NLGN1: variants seen among roughly 807,000 people sequenced by gnomAD.
The protein encoded by NLGN1 is neuroligin 1, also known as neuroligin-1.
NLGN1 carries 12 observed loss-of-function variants against 65.5 expected under a neutral mutation model. The observed-to-expected ratio is 0.18, with a 90% CI of 0.12 to 0.30. The LOEUF is 0.30. NLGN1 is among the 10% of genes least tolerant of loss of function. The pLI is 1.00. For missense variants in NLGN1, 750 were observed against 1,007.1 expected (o/e 0.74, Z 3.46); for synonymous variants, 350 against 359.5 (o/e 0.97, Z 0.30).
At chr3:174,045,074 C>G (rs949922477) in intron 4 of NLGN1, among the ~76,000 whole-genome samples, 4 of 152,178 alleles carry the variant, frequency 2.6e-5, no homozygotes, top group African/African-American at 9.6e-5. Flanking sequence ...ACCATCCAAA[C>G]TGTTCCAACC....
At chr3:173,580,317 C>T (rs1746193956) in intron 2 of NLGN1, among the ~76,000 whole-genome samples, 1 of 152,018 alleles carries the variant, frequency 6.6e-6, no homozygotes, top group African/African-American at 2.4e-5. Context: ...TTTATCAGAG[C>T]TGAAATTTTA....
At chr3:173,810,851 T>C (rs1578556254) in intron 4 of NLGN1, among the ~76,000 whole-genome samples, 3 of 152,160 alleles carry the variant, frequency 2.0e-5, no homozygotes, top group Admixed American at 2.0e-4. Flanking sequence ...CACCCTTTAG[T>C]GGTTTCCTTT....
intron 4 of NLGN1, among the ~76,000 whole-genome samples, chr3:173,873,047 A>G (rs1034582530): frequency 6.6e-6 from 1 of 152,006 alleles, no homozygotes; most frequent in South Asian, 2.1e-4. Flanking sequence ...ACGTGAAGGA[A>G]CTCAGTAACT....
At chr3:173,800,257 T>C in intron 3 of NLGN1, 1 of 817,700 alleles carries the variant, frequency 1.2e-6, no homozygotes, top group Non-Finnish European at 1.6e-6. Flanking sequence ...AATTGTCTTT[T>C]TTTTTTTTCC....
chr3:173,939,359 A>G (rs1170333363), intron 4 of NLGN1, among the ~76,000 whole-genome samples: 1 of 152,166 alleles, frequency 6.6e-6, no homozygotes, highest in East Asian at 1.9e-4. Flanking sequence ...AGCTCTTTAC[A>G]TGAAGTTCCA....
In NLGN1 at chr3:174,003,255, A is replaced by C. The variant is rs958239380; in HGVS notation, c.646+195423A>C. ...CTATTGCAAAGGTTATTTTCTTTTT[A>C]TGAAAATAACTTATTTCACTTTACC... On this transcript the variant is annotated intron_variant, in intron 4 of 6. Coordinates refer to ENST00000457714, the Ensembl canonical transcript of NLGN1. Among the ~76,000 whole-genome samples the C allele has an allele frequency of 7.9e-5, 12 of 152,312 alleles. No individual in the cohort carries two copies. The South Asian group carries it at 2.5e-3, about 32-fold the overall frequency.
intron 4 of NLGN1, among the ~76,000 whole-genome samples, chr3:174,019,274 TG>T (rs1318440615): frequency 6.6e-6 from 1 of 152,164 alleles, no homozygotes; most frequent in Admixed American, 6.6e-5. Context: ...TATTTGGAGA[TG>T]GGGCCTTTAA....
intron 4 of NLGN1, among the ~76,000 whole-genome samples, chr3:174,226,069 A>G (rs1362422364): frequency 6.6e-6 from 1 of 152,148 alleles, no homozygotes; most frequent in Admixed American, 6.5e-5. Context: ...ATTGAAGCTC[A>G]CTAATGGCCA....
intron 4 of NLGN1, among the ~76,000 whole-genome samples, chr3:174,118,163 A>G (rs1433049919): frequency 6.6e-6 from 1 of 152,060 alleles, no homozygotes; most frequent in Non-Finnish European, 1.5e-5. Context: ...CTGCTCAGGG[A>G]TTTTTTAAGT....
At chr3:173,852,355 C>CAAAAAAAAAA (rs71162367) in intron 4 of NLGN1, among the ~76,000 whole-genome samples, 2 of 46,660 alleles carry the variant, frequency 4.3e-5, no homozygotes, top group African/African-American at 8.2e-5. Flanking sequence ...GACTCCGTCT[C>CAAAAAAAAAA]AAAAAAAAAA....
chr3:174,197,901 C>A (rs1194454636), intron 4 of NLGN1, among the ~76,000 whole-genome samples: 1 of 151,832 alleles, frequency 6.6e-6, no homozygotes, highest in Admixed American at 6.6e-5. Flanking sequence ...TGAAAAGTCA[C>A]TTACAATCCC....
At chr3:173,902,013 T>G (rs185816286) in intron 4 of NLGN1, among the ~76,000 whole-genome samples, 24 of 152,160 alleles carry the variant, frequency 1.6e-4, no homozygotes, top group African/African-American at 4.8e-4. Context: ...GATTTTATTA[T>G]TAGTACTTTG....
At chr3:173,685,021 C>T (rs199933659) in intron 3 of NLGN1, among the ~76,000 whole-genome samples, 1 of 102,360 alleles carries the variant, frequency 9.8e-6, no homozygotes, top group East Asian at 2.4e-4. Context: ...CAGTTGAATC[C>T]TCTATGCCCG....
chr3:174,246,370 A>C (rs1743790510), intron 4 of NLGN1, among the ~76,000 whole-genome samples: 1 of 152,192 alleles, frequency 6.6e-6, no homozygotes, highest in Non-Finnish European at 1.5e-5. Context: ...TTTGAGAAGA[A>C]TAGACAAGGC....
chr3:173,405,636 A>C (rs1361407340), intron 1 of NLGN1, among the ~76,000 whole-genome samples: 1 of 152,060 alleles, frequency 6.6e-6, no homozygotes, highest in Non-Finnish European at 1.5e-5. Flanking sequence ...ATATAATCCT[A>C]TCTCTTTTTT....
At chr3:174,102,767 A>G (rs1712831299) in intron 4 of NLGN1, among the ~76,000 whole-genome samples, 1 of 152,130 alleles carries the variant, frequency 6.6e-6, no homozygotes, top group Admixed American at 6.6e-5. Context: ...AGTTAATATC[A>G]TGATTGAATG....
At chr3:174,287,617 T>C (rs1329221546), downstream of NLGN1, among the ~76,000 whole-genome samples, 1 of 151,574 alleles carries the variant, frequency 6.6e-6, no homozygotes. Context: ...TATTTTCTAA[T>C]GGAATGCTAT....
intron 4 of NLGN1, among the ~76,000 whole-genome samples, chr3:174,268,751 T>C (rs1484316704): frequency 1.3e-5 from 2 of 152,092 alleles, no homozygotes; most frequent in Non-Finnish European, 2.9e-5. Context: ...CTATTTACAG[T>C]CATCTTCTTC....
At chr3:173,799,309 A>G (rs1471243797) in intron 3 of NLGN1, among the ~76,000 whole-genome samples, 1 of 152,056 alleles carries the variant, frequency 6.6e-6, no homozygotes, top group Non-Finnish European at 1.5e-5. Flanking sequence ...TTGCTTTTTT[A>G]TGTGCTGAGT....
Sources: allele counts gnomAD v4.1 joint callset (sites outside exome capture counted in the v4.1 genomes callset), GRCh38; gene constraint gnomAD v4.1.1; transcripts MANE v1.5; gene names NCBI Gene and HGNC (gene_info 2026-07-23, HGNC 2026-07-21).